ZRANB3: variants seen among roughly 807,000 people sequenced by gnomAD.
The protein encoded by ZRANB3 is DNA annealing helicase and endonuclease ZRANB3.
A neutral mutation model predicts 133.8 loss-of-function variants in ZRANB3; 125 were observed. The observed-to-expected ratio is 0.93, with a 90% confidence interval of 0.81 to 1.08. The LOEUF (loss-of-function observed/expected upper bound fraction) is 1.08, where lower values mean the gene tolerates loss of function less well. Ranked by LOEUF, ZRANB3 falls within the 50% of genes least tolerant of loss-of-function variation. ZRANB3 has a pLI of 0.00. For missense variants in ZRANB3, 1,229 were observed against 1,275.5 expected (o/e 0.96, Z 0.56); for synonymous variants, 387 against 432.7 (o/e 0.89, Z 1.31).
At chr2:135,417,926 C>A (rs761107629) in intron 2 of ZRANB3, among the ~76,000 whole-genome samples, 6 of 151,924 alleles carry the variant, frequency 3.9e-5, no homozygotes, top group Admixed American at 6.6e-5. Context: ...CACATGGACA[C>A]AGGAAGGAGA....
chr2:135,481,569 T>C (rs1691812591), intron 2 of ZRANB3, among the ~76,000 whole-genome samples: 1 of 152,082 alleles, frequency 6.6e-6, no homozygotes, highest in South Asian at 2.1e-4. Context: ...GTAGGTTGCC[T>C]GTTCACTCTG....
At chr2:135,392,053 C>G (rs188399974) in intron 2 of ZRANB3, among the ~76,000 whole-genome samples, 2 of 152,022 alleles carry the variant, frequency 1.3e-5, no homozygotes, top group African/African-American at 4.8e-5. Context: ...TCAGGATCAT[C>G]GGGTGTTCCT....
chr2:135,205,904 G>A (rs899438848), intron 19 of ZRANB3, among the ~76,000 whole-genome samples: 1 of 152,120 alleles, frequency 6.6e-6, no homozygotes, highest in Non-Finnish European at 1.5e-5. Context: ...CATGGAAAGG[G>A]GAATCGCCAG....
At chr2:135,514,262 C>T (rs1693603823) in intron 1 of ZRANB3, among the ~76,000 whole-genome samples, 2 of 152,146 alleles carry the variant, frequency 1.3e-5, no homozygotes, top group African/African-American at 4.8e-5. Context: ...ATTGATTCTT[C>T]CTATCCATGA....
intron 8 of ZRANB3, among the ~76,000 whole-genome samples, chr2:135,284,750 C>T (rs1019465361): frequency 7.2e-5 from 11 of 152,170 alleles, no homozygotes; most frequent in South Asian, 2.1e-4. Flanking sequence ...GGATTACAGG[C>T]GTGAGCCGCC....
intron 1 of ZRANB3, among the ~76,000 whole-genome samples, chr2:135,527,748 G>T (rs761203544): frequency 6.6e-6 from 1 of 152,106 alleles, no homozygotes; most frequent in East Asian, 1.9e-4. Flanking sequence ...GCCCACTGTT[G>T]CAAGTTTTTT....
chr2:135,389,536 C>T (rs1298015722), intron 3 of ZRANB3, among the ~76,000 whole-genome samples: 2 of 152,124 alleles, frequency 1.3e-5, no homozygotes, highest in Non-Finnish European at 2.9e-5. Flanking sequence ...GAAACCCCTT[C>T]TCTACTAAAA....
At chr2:135,465,346 G>GT (rs1225777757) in intron 2 of ZRANB3, among the ~76,000 whole-genome samples, 1 of 146,000 alleles carries the variant, frequency 6.8e-6, no homozygotes, top group African/African-American at 2.6e-5. Flanking sequence ...GAACACCAAG[G>GT]TAAAATATCA....
At chr2:135,491,300 A>G (rs1371795797) in intron 2 of ZRANB3, among the ~76,000 whole-genome samples, 1 of 152,160 alleles carries the variant, frequency 6.6e-6, no homozygotes, top group African/African-American at 2.4e-5. Flanking sequence ...AGGGAAACAA[A>G]GGCAAAGTTT....
intron 3 of ZRANB3, among the ~76,000 whole-genome samples, chr2:135,385,438 T>A (rs1014840922): frequency 2.6e-5 from 4 of 152,174 alleles, no homozygotes; most frequent in Non-Finnish European, 5.9e-5. Flanking sequence ...ATAGATTCAA[T>A]GCCACCCCCA....
chr2:135,402,380 C>T (rs189767943), intron 2 of ZRANB3, among the ~76,000 whole-genome samples: 7 of 151,700 alleles, frequency 4.6e-5, no homozygotes, highest in African/African-American at 9.7e-5. Flanking sequence ...CTGCAACCTC[C>T]GGCTCCCAGG....
intron 12 of ZRANB3, among the ~76,000 whole-genome samples, chr2:135,255,738 T>C (rs1196036207): frequency 1.3e-5 from 2 of 152,086 alleles, no homozygotes; most frequent in East Asian, 1.9e-4. Context: ...TCCTGGCTAC[T>C]TGGGAGGCTG....
intron 6 of ZRANB3, among the ~76,000 whole-genome samples, chr2:135,326,089 G>C (rs529913106): frequency 2.4e-4 from 37 of 152,216 alleles, no homozygotes; most frequent in African/African-American, 7.0e-4. Flanking sequence ...TTTGGGTACT[G>C]ATCTATACAA....
chr2:135,329,626 T>C (rs1679480492), intron 6 of ZRANB3, among the ~76,000 whole-genome samples: 2 of 152,220 alleles, frequency 1.3e-5, no homozygotes, highest in Admixed American at 6.5e-5. Context: ...GGGGATAGCA[T>C]TGAATCTATA....
rs1694358979 is a variant in ZRANB3 at position 135,217,476 on chromosome 2, A to G, written c.2484T>C (p.Asn828=). The G allele has an allele frequency of 6.2e-7, 1 of 1,606,638 alleles. No individual in the cohort carries two copies. The highest frequency in any genetic ancestry group is 1.3e-5 in the African/African-American group (1 of 74,594). The part of the protein sequence containing the change: ...EEITKQQTKQ[N]CTKRYITKED... ...AAGACAACTCATACCTTTTGGTGCA[A>G]TTTTGTTTGGTTTGTTGCTTTGTGA... is the stretch of plus-strand genomic sequence containing the variant. The change falls in exon 17 of 21, where the codon AAT becomes AAC. Residue 828 remains asparagine, a synonymous_variant. Coordinates refer to ENST00000264159, the MANE Select transcript of ZRANB3 (RefSeq NM_032143.4).
intron 2 of ZRANB3, among the ~76,000 whole-genome samples, chr2:135,494,163 A>AAGGGAGGGAGGG (rs1156857573): frequency 4.6e-5 from 2 of 43,226 alleles, no homozygotes; most frequent in African/African-American, 2.9e-4. Flanking sequence ...GGAAGGAAGG[A>AAGGGAGGGAGGG]AGGGAGGGAG....
At chr2:135,462,402 A>C (rs998330691) in intron 2 of ZRANB3, among the ~76,000 whole-genome samples, 1 of 152,186 alleles carries the variant, frequency 6.6e-6, no homozygotes, top group Admixed American at 6.5e-5. Context: ...AGACATATAT[A>C]AGCACACACA....
intron 3 of ZRANB3, among the ~76,000 whole-genome samples, chr2:135,379,247 G>A (rs906418625): frequency 6.6e-6 from 1 of 152,192 alleles, no homozygotes; most frequent in African/African-American, 2.4e-5. Context: ...AAGGAAGTAA[G>A]CAGGCAGGTG....
rs370147456 is a variant in ZRANB3, at chr2:135,224,454, T to C, written c.2222A>G (p.Asn741Ser). ...YDTLMFCASR[N>S]TDRIHIYTKD... Reference sequence around the variant, plus strand: ...AGTATAGATGTGAATCCGGTCAGTATTCCTACTTGCACAGAACATTAAGGT... The same window carrying C: ...AGTATAGATGTGAATCCGGTCAGTACTCCTACTTGCACAGAACATTAAGGT... Residue 741 changes from asparagine to serine, a missense_variant, in exon 15 of 21, where the codon AAT (asparagine) becomes AGT (serine). Coordinates refer to ENST00000264159, the MANE Select transcript of ZRANB3 (RefSeq NM_032143.4). 2.8e-5 allele frequency: 45 copies of C among 1,613,224 alleles called. No individual in the cohort carries two copies. The African/African-American group carries it at 5.5e-4, about 20-fold the overall frequency.
Sources: allele counts gnomAD v4.1 joint callset (sites outside exome capture counted in the v4.1 genomes callset), GRCh38; gene constraint gnomAD v4.1.1; transcripts MANE v1.5; gene names NCBI Gene and HGNC (gene_info 2026-07-23, HGNC 2026-07-21).